The following MEI4 variants were observed in gnomAD, a reference collection of about 807,000 sequenced individuals.
MEI4 encodes the protein meiosis-specific protein MEI4.
In MEI4, 27 loss-of-function variants were observed where a neutral mutation model predicts 31.4. The ratio of observed to expected loss-of-function variants is 0.86; its 90% CI spans 0.63 to 1.19. The LOEUF (loss-of-function observed/expected upper bound fraction) is 1.19, where lower values mean the gene tolerates loss of function less well. Ranked by LOEUF, MEI4 falls within the 50% of genes most tolerant of loss-of-function variation. The pLI is 0.00. For synonymous variants in MEI4, 122 were observed against 145.4 expected, an observed-to-expected ratio of 0.84 and a Z score of 1.16; for missense variants, 329 against 398.9, an observed-to-expected ratio of 0.82 and a Z score of 1.49.
intron 4 of MEI4, among the ~76,000 whole-genome samples, chr6:77,864,155 G>C (rs1770951951): frequency 6.6e-6 from 1 of 152,114 alleles, no homozygotes; most frequent in Non-Finnish European, 1.5e-5. Context: ...ATCGAGGCTA[G>C]GAAGTAACTG....
intron 4 of MEI4, among the ~76,000 whole-genome samples, chr6:77,911,858 A>G (rs4706036): frequency 0.83 from 125,083 of 151,422 alleles, 52,172 homozygotes; most frequent in East Asian, 0.95. Flanking sequence ...TATCTTTTTG[A>G]TGTTGTTGCC....
chr6:77,833,227 T>C (rs531212124), intron 4 of MEI4, among the ~76,000 whole-genome samples: 1 of 152,224 alleles, frequency 6.6e-6, no homozygotes, highest in East Asian at 1.9e-4. Flanking sequence ...TTCTATTTAC[T>C]TTAATAATAA....
At chr6:77,898,310 G>C (rs553251829) in intron 4 of MEI4, among the ~76,000 whole-genome samples, 4 of 151,942 alleles carry the variant, frequency 2.6e-5, no homozygotes, top group African/African-American at 9.6e-5. Flanking sequence ...TAAAAGTCAG[G>C]GTAAGTTTCC....
intron 2 of MEI4, among the ~76,000 whole-genome samples, chr6:77,711,403 A>G (rs988963588): frequency 7.9e-5 from 12 of 152,236 alleles, no homozygotes; most frequent in Non-Finnish European, 1.3e-4. Context: ...GAAGATATAT[A>G]TAATTTTTAT....
intron 1 of MEI4, among the ~76,000 whole-genome samples, chr6:77,671,246 G>A (rs1247376130): frequency 1.3e-5 from 2 of 151,922 alleles, no homozygotes; most frequent in African/African-American, 4.8e-5. Flanking sequence ...CTTTAGTAGA[G>A]ATGGGGTTTC....
intron 1 of MEI4, among the ~76,000 whole-genome samples, chr6:77,686,739 A>G (rs1769061568): frequency 6.6e-6 from 1 of 152,024 alleles, no homozygotes; most frequent in Non-Finnish European, 1.5e-5. Context: ...TGAAGGTGAA[A>G]TCTTAGAACT....
At chr6:77,845,406 C>T (rs1300336474) in intron 4 of MEI4, among the ~76,000 whole-genome samples, 1 of 152,104 alleles carries the variant, frequency 6.6e-6, no homozygotes, top group Non-Finnish European at 1.5e-5. Flanking sequence ...TTCAAATACT[C>T]TCTAGCAAGA....
At chr6:77,900,812 T>C (rs1444406146) in intron 4 of MEI4, among the ~76,000 whole-genome samples, 1 of 152,052 alleles carries the variant, frequency 6.6e-6, no homozygotes, top group African/African-American at 2.4e-5. Flanking sequence ...AACAGGTGTC[T>C]TGAACTTATT....
At chr6:77,879,062 C>T (rs1771415447) in intron 4 of MEI4, among the ~76,000 whole-genome samples, 1 of 152,032 alleles carries the variant, frequency 6.6e-6, no homozygotes, top group South Asian at 2.1e-4. Context: ...TTTATTCCTT[C>T]AGCATGAAAA....
At chr6:77,872,524 G>C (rs1255507863) in intron 4 of MEI4, among the ~76,000 whole-genome samples, 4 of 151,874 alleles carry the variant, frequency 2.6e-5, no homozygotes, top group Non-Finnish European at 5.9e-5. Context: ...TGGCAGAGTT[G>C]TTATTTGTGA....
intron 4 of MEI4, among the ~76,000 whole-genome samples, chr6:77,853,931 T>C (rs1770690990): frequency 6.6e-6 from 1 of 152,186 alleles, no homozygotes; most frequent in South Asian, 2.1e-4. Context: ...AAAAAGTTAG[T>C]TCAACATAAT....
In MEI4 at chr6:77,729,831, G is replaced by A. The variant is rs190074202; in HGVS notation, c.233-31299G>A. Among the ~76,000 whole-genome samples, 209 of 152,200 alleles carry A rather than the reference G, an allele frequency of 1.4e-3. 1 individual carries two copies. The highest frequency in any genetic ancestry group is 4.4e-3 in the African/African-American group (183 of 41,542). On this transcript the variant is annotated intron_variant, in intron 2 of 4. Transcript: ENST00000684080. ...TTCTTCTTATGATAATATAAGTTAA[G>A]GAAACAATGCATTGGGTAAAAGGTA... is the stretch of plus-strand genomic sequence containing the variant.
intron 2 of MEI4, among the ~76,000 whole-genome samples, chr6:77,742,819 A>G (rs1218922421): frequency 6.6e-6 from 1 of 152,016 alleles, no homozygotes; most frequent in Non-Finnish European, 1.5e-5. Context: ...GAAGGGATCC[A>G]GTTTCAGCTT....
chr6:77,877,894 G>A (rs2127727635), intron 4 of MEI4, among the ~76,000 whole-genome samples: 1 of 151,966 alleles, frequency 6.6e-6, no homozygotes, highest in Middle Eastern at 3.4e-3. Context: ...GATAATCCAT[G>A]GTATGACTAT....
At chr6:77,745,159 A>G (rs1307586171) in intron 2 of MEI4, among the ~76,000 whole-genome samples, 1 of 152,214 alleles carries the variant, frequency 6.6e-6, no homozygotes, top group Non-Finnish European at 1.5e-5. Context: ...GCTCCAATTA[A>G]AAGACACAGA....
At chr6:77,739,718 G>C (rs886549446) in intron 2 of MEI4, among the ~76,000 whole-genome samples, 2 of 151,496 alleles carry the variant, frequency 1.3e-5, no homozygotes, top group African/African-American at 4.9e-5. Context: ...ATGTATCCCA[G>C]AACTTAGAAT....
chr6:77,857,780 T>C (rs980658111), intron 4 of MEI4, among the ~76,000 whole-genome samples: 2 of 152,240 alleles, frequency 1.3e-5, no homozygotes. Context: ...CACAGTAACT[T>C]TGAAATCCAA....
chr6:77,774,329 C>T (rs549356351), intron 3 of MEI4, among the ~76,000 whole-genome samples: 21 of 151,830 alleles, frequency 1.4e-4, no homozygotes, highest in Non-Finnish European at 2.6e-4. Flanking sequence ...AGTAGTCAGC[C>T]GTAAAAAAAG....
rs149635592 is a variant in MEI4, at chr6:77,740,183, G to C, written c.233-20947G>C. On this transcript the variant is annotated intron_variant, in intron 2 of 4. Coordinates refer to ENST00000684080, the MANE Select transcript of MEI4 (RefSeq NM_001322247.2). ...TGAGAGAATGGCTGTTATGATTTCA[G>C]TTCTTCTGCATTTGCTGAGGAGTTT... Among the ~76,000 whole-genome samples, 509 of 152,272 alleles carry C rather than the reference G, an allele frequency of 3.3e-3. 4 individuals are homozygous for C. Among genetic ancestry groups the C allele is most frequent in the African/African-American group, 0.012 (487 of 41,556 alleles).
Sources: allele counts gnomAD v4.1 joint callset (sites outside exome capture counted in the v4.1 genomes callset), GRCh38; gene constraint gnomAD v4.1.1; transcripts MANE v1.5; gene names NCBI Gene and HGNC (gene_info 2026-07-23, HGNC 2026-07-21).